TMEM272: variants seen among roughly 807,000 people sequenced by gnomAD.
TMEM272 encodes long intergenic non-protein coding RNA 282.
In TMEM272, 8 loss-of-function variants were observed where a neutral mutation model predicts 3.7. That is an observed-to-expected ratio of 2.17 (90% CI 1.27 to 3.91). The LOEUF (loss-of-function observed/expected upper bound fraction) is 3.91. TMEM272 is among the 30% of genes most tolerant of loss of function. The pLI is 0.00. For synonymous variants in TMEM272, 63 were observed against 39.8 expected, an observed-to-expected ratio of 1.58 and a Z score of -2.20; for missense variants, 166 against 91.5, an observed-to-expected ratio of 1.81 and a Z score of -3.32.
At chr13:51,834,961 A>G (rs1956202550) in intron 2 of TMEM272, among the ~76,000 whole-genome samples, 1 of 152,162 alleles carries the variant, frequency 6.6e-6, no homozygotes, top group African/African-American at 2.4e-5. Context: ...CTTGACAGAG[A>G]GAGTGCCAGA....
chr13:51,920,662 T>C, the TMEM272 span, among the ~76,000 whole-genome samples: 1 of 152,090 alleles, frequency 6.6e-6, no homozygotes, highest in Admixed American at 6.5e-5. Context: ...GCAATCCCCC[T>C]CCCCACCTCT....
the TMEM272 span, chr13:51,862,353 G>A: frequency 1.3e-5 from 2 of 152,204 alleles, no homozygotes; most frequent in Non-Finnish European, 1.5e-5. Context: ...TGTATCTTTA[G>A]TGCATGTTTT....
the TMEM272 span, among the ~76,000 whole-genome samples, chr13:51,852,714 C>T: frequency 6.6e-6 from 1 of 152,028 alleles, no homozygotes; most frequent in African/African-American, 2.4e-5. Context: ...CCCGTCTCTA[C>T]TAAAAATACA....
the TMEM272 span, among the ~76,000 whole-genome samples, chr13:51,893,731 G>A: frequency 3.3e-5 from 5 of 152,206 alleles, no homozygotes; most frequent in South Asian, 2.1e-4. Flanking sequence ...TTGCTTCTGC[G>A]TTTGGGAAAA....
At chr13:51,828,691 T>C (rs1956147821) in intron 2 of TMEM272, among the ~76,000 whole-genome samples, 1 of 152,208 alleles carries the variant, frequency 6.6e-6, no homozygotes, top group South Asian at 2.1e-4. Flanking sequence ...CGAAATCGTG[T>C]ATTGTAAGTG....
chr13:51,853,188 C>T, the TMEM272 span, among the ~76,000 whole-genome samples: 2 of 152,088 alleles, frequency 1.3e-5, no homozygotes, highest in Non-Finnish European at 2.9e-5. Context: ...AGGCAGATCA[C>T]CTGAGGTCAG....
chr13:51,821,084 T>TG (rs1956074707), intron 4 of TMEM272, among the ~76,000 whole-genome samples: 1 of 152,200 alleles, frequency 6.6e-6, no homozygotes, highest in African/African-American at 2.4e-5. Context: ...CCAGCGCCAC[T>TG]GGCCAGGATC....
chr13:51,820,486 A>C (rs1956069509), intron 4 of TMEM272, among the ~76,000 whole-genome samples: 1 of 152,224 alleles, frequency 6.6e-6, no homozygotes, highest in Non-Finnish European at 1.5e-5. Context: ...TGCCAGGGCA[A>C]AAAATCAATG....
the TMEM272 span, among the ~76,000 whole-genome samples, chr13:51,884,978 G>A: frequency 1.3e-5 from 2 of 152,184 alleles, no homozygotes; most frequent in Non-Finnish European, 2.9e-5. Context: ...CCTACACAAC[G>A]GTCTCAGGCA....
At chr13:51,911,410 TAG>T in the TMEM272 span, among the ~76,000 whole-genome samples, 1 of 152,202 alleles carries the variant, frequency 6.6e-6, no homozygotes, top group Non-Finnish European at 1.5e-5. Flanking sequence ...TGCTGTCACA[TAG>T]AGAGTGTTCC....
the TMEM272 span, among the ~76,000 whole-genome samples, chr13:51,900,094 G>A: frequency 6.6e-6 from 1 of 152,060 alleles, no homozygotes; most frequent in Non-Finnish European, 1.5e-5. Flanking sequence ...ATTAGGCAAT[G>A]GTTTCTTAGA....
rs917469317 is a variant in TMEM272, at chr13:51,826,632, G to A, written c.59-7C>T. 8 of 702,580 alleles carry A rather than the reference G, an allele frequency of 1.1e-5. No homozygotes were observed. Among genetic ancestry groups the A allele is most frequent in the Non-Finnish European group, 2.1e-5 (8 of 385,002 alleles). 43.5% of individuals were successfully genotyped at this position (702,580 alleles called of 1,614,324 possible). ...AGCACAACAACGAAGCAGGCTGCAA[G>A]GAGAAGAAGGGGCAGGCACTGGGTT... On this transcript the variant is annotated splice_polypyrimidine_tract_variant and splice_region_variant and intron_variant, in intron 2 of 4. Transcript: ENST00000629372.
At position 51,845,097 on chromosome 13, in the gene TMEM272, G is replaced by C. The variant is rs994117901; in HGVS notation, c.-105C>G. 1.3e-5 allele frequency: 2 copies of C among 152,330 alleles called. No homozygotes were observed. Among genetic ancestry groups the C allele is most frequent in the African/African-American group, 2.4e-5 (1 of 41,430 alleles). The allele number at this position is 152,330 out of a possible 1,614,324, so 9.4% of individuals were successfully genotyped here. ...CGAAGTCCAGGGCTGCCTCTGTGGG[G>C]CTCCTCTTGACTTGGGGCTCCCACT... On this transcript the variant is annotated 5_prime_UTR_variant, in exon 1 of 5. Transcript: ENST00000629372.
chr13:51,857,245 T>TA, the TMEM272 span, among the ~76,000 whole-genome samples: 7,274 of 142,798 alleles, frequency 0.051, 206 homozygotes, highest in East Asian at 0.1. Flanking sequence ...TAGCTGGCAT[T>TA]AAAAAAAAAA....
At chr13:51,911,913 C>A in the TMEM272 span, among the ~76,000 whole-genome samples, 1 of 151,738 alleles carries the variant, frequency 6.6e-6, no homozygotes, top group Non-Finnish European at 1.5e-5. Context: ...CTTGCCTTTC[C>A]CTGAACACAA....
At chr13:51,829,982 T>C (rs2139568215) in intron 2 of TMEM272, among the ~76,000 whole-genome samples, 1 of 152,326 alleles carries the variant, frequency 6.6e-6, no homozygotes, top group East Asian at 1.9e-4. Context: ...TCATCAAGGA[T>C]GGGACATTGA....
At chr13:51,886,870 G>A in the TMEM272 span, among the ~76,000 whole-genome samples, 1 of 152,194 alleles carries the variant, frequency 6.6e-6, no homozygotes, top group African/African-American at 2.4e-5. Context: ...ACTTGTTTCT[G>A]AATGATAAGA....
At chr13:51,909,244 T>G in the TMEM272 span, 1 of 1,166,818 alleles carries the variant, frequency 8.6e-7, no homozygotes, top group South Asian at 1.2e-5. Flanking sequence ...GCCAAACAAT[T>G]ATCATGTGCT....
chr13:51,899,364 A>C, the TMEM272 span, among the ~76,000 whole-genome samples: 8 of 152,248 alleles, frequency 5.3e-5, no homozygotes, highest in Non-Finnish European at 1.0e-4. Context: ...AATTAAAAAC[A>C]GTAATAAAAG....
Sources: allele counts gnomAD v4.1 joint callset (sites outside exome capture counted in the v4.1 genomes callset), GRCh38; gene constraint gnomAD v4.1.1; transcripts MANE v1.5; gene names NCBI Gene and HGNC (gene_info 2026-07-23, HGNC 2026-07-21).